Variants in DNAH6 observed in about 807,000 individuals in gnomAD.
The protein encoded by DNAH6 is dynein axonemal heavy chain 6, also known as axonemal beta dynein heavy chain 6.
A neutral mutation model predicts 491.4 loss-of-function variants in DNAH6; 340 were observed. That is an observed-to-expected ratio of 0.69 (90% CI 0.63 to 0.76). The LOEUF (loss-of-function observed/expected upper bound fraction) is 0.76, where lower values mean the gene tolerates loss of function less well. Ranked by LOEUF, DNAH6 falls within the 30% of genes least tolerant of loss-of-function variation. DNAH6 has a pLI of 0.00. For missense variants in DNAH6, 4,443 were observed against 4,972.2 expected, an observed-to-expected ratio of 0.89 and a Z score of 3.20; for synonymous variants, 1,603 against 1,686.1, an observed-to-expected ratio of 0.95 and a Z score of 1.21.
intron 52 of DNAH6, 149 bp from the exon 53 acceptor site, chr2:84,706,747 A>T: frequency 1.2e-6 from 1 of 826,730 alleles, no homozygotes; most frequent in Non-Finnish European, 1.8e-6. Flanking sequence ...ACTCTAATTT[A>T]TATTTGTTTT....
At chr2:84,567,738 A>G (rs530088486) in intron 11 of DNAH6, among the ~76,000 whole-genome samples, 4 of 152,222 alleles carry the variant, frequency 2.6e-5, no homozygotes, top group African/African-American at 9.6e-5. Context: ...ATAGGCATGG[A>G]AAAAGATCTC....
chr2:84,552,065 A>G (rs1486938211), intron 9 of DNAH6, among the ~76,000 whole-genome samples: 1 of 152,068 alleles, frequency 6.6e-6, no homozygotes, highest in Admixed American at 6.6e-5. Flanking sequence ...AAAAAAAAAA[A>G]AAGAATGCTC....
rs564638023 is a variant in DNAH6, at chr2:84,595,560, A to C, written c.2725-86A>C. 32 of 1,217,882 alleles carry C rather than the reference A, an allele frequency of 2.6e-5. 1 individual carries two copies. In the Middle Eastern group the frequency reaches 1.2e-3, roughly 47 times the overall value. 75.4% of individuals were successfully genotyped at this position (1,217,882 alleles called of 1,614,324 possible). On this transcript the variant is annotated intron_variant, in intron 17 of 76. Transcript: ENST00000389394. Reference sequence around the variant, plus strand: ...CAAAAGCATAGTGTAGATTTGGATTAACTTTTAAAAGTTTTTTTAGTATTT... The same window carrying C: ...CAAAAGCATAGTGTAGATTTGGATTCACTTTTAAAAGTTTTTTTAGTATTT...
At chr2:84,543,296 C>A (rs935496019) in intron 4 of DNAH6, among the ~76,000 whole-genome samples, 1 of 152,132 alleles carries the variant, frequency 6.6e-6, no homozygotes, top group East Asian at 1.9e-4. Flanking sequence ...CTAATTTCTG[C>A]CTAGTACATG....
Position 84,745,234 on chromosome 2 carries a change from T to G in DNAH6, c.10497T>G (p.Cys3499Trp). The change falls in exon 63 of 77, where the codon TGT becomes TGG. Residue 3499 changes from cysteine to tryptophan, a missense_variant. Cys to Trp is a radical substitution (Grantham distance 215). This residue lies in a region of DNAH6 where 1,463 missense variants were observed against 1,656.6 expected (regional missense o/e 0.88). Transcript: ENST00000389394. ...TCCATAAGCTAATTCTTATTAAATG[T>G]TGTAAAGAAGAAAAGGTAGGGCATT... is the stretch of plus-strand genomic sequence containing the variant. ...SSFHKLILIK[C>W]CKEEKVVFAL... 6.6e-7 allele frequency: 1 copy of G among 1,503,776 alleles called. No individual in the cohort carries two copies. The highest frequency in any genetic ancestry group is 8.9e-7 in the Non-Finnish European group (1 of 1,128,792). 93.2% of individuals were successfully genotyped at this position (1,503,776 alleles called of 1,614,324 possible). A position where few individuals can be genotyped will look rare whatever the true frequency, so the allele number is the denominator to read the frequency against.
chr2:84,557,266 T>C (rs1217914848), intron 10 of DNAH6, among the ~76,000 whole-genome samples: 2 of 152,226 alleles, frequency 1.3e-5, no homozygotes, highest in African/African-American at 4.8e-5. Flanking sequence ...GCCATGTCTT[T>C]TGATTTGTCA....
chr2:84,698,151 C>T (rs1246319008), intron 47 of DNAH6, among the ~76,000 whole-genome samples: 2 of 152,226 alleles, frequency 1.3e-5, no homozygotes, highest in Admixed American at 6.5e-5. Context: ...AACAGTGTGG[C>T]TGCTGTACAC....
In DNAH6 at chr2:84,637,386, C is replaced by CTG; in HGVS notation, c.4821+9_4821+10insTG. On this transcript the variant is annotated intron_variant, in intron 31 of 76. Transcript: ENST00000389394. ...ATGCCTTGATTGCAGAGGTGAGCAT[C>CTG]ACATTATAAAGCAGCAGAAATGTAA... The CTG allele has an allele frequency of 6.6e-7, 1 of 1,526,596 alleles. No individual in the cohort carries two copies. The highest frequency in any genetic ancestry group is 1.4e-5 in the African/African-American group (1 of 72,342). 94.6% of individuals were successfully genotyped at this position (1,526,596 alleles called of 1,614,324 possible).
Position 84,808,517 on chromosome 2 carries a change from T to C in DNAH6, c.11714T>C (p.Phe3905Ser). The change falls in exon 72 of 77, where the codon TTT becomes TCT. Residue 3905 changes from phenylalanine (F) to serine (S), a missense_variant. Phe to Ser is a radical substitution (Grantham distance 155). Coordinates refer to ENST00000389394, the MANE Select transcript of DNAH6 (RefSeq NM_001370.2). The part of the protein sequence containing the change: ...TTVLGQEVDR[F>S]NNLLKLIHTS... The stretch of plus-strand genomic sequence containing the variant: ...GTTCTTGGACAGGAAGTGGACCGGT[T>C]TAACAACCTGCTGAAGTTAATTCAT... 1.3e-6 allele frequency: 2 copies of C among 1,551,840 alleles called. No homozygotes were observed. The highest frequency in any genetic ancestry group is 1.7e-6 in the Non-Finnish European group (2 of 1,147,014).
At chr2:84,669,591 T>C (rs1035025901) in intron 38 of DNAH6, 81 bp downstream of exon 38, 4 of 1,209,106 alleles carry the variant, frequency 3.3e-6, no homozygotes, top group Non-Finnish European at 4.7e-6. Context: ...CCAGAAGTAA[T>C]ATTATTTCTG....
At chr2:84,700,203 A>C (rs1446762435) in intron 48 of DNAH6, among the ~76,000 whole-genome samples, 1 of 152,228 alleles carries the variant, frequency 6.6e-6, no homozygotes. Flanking sequence ...ATGATGCAGC[A>C]TACCGAGTTA....
At chr2:84,520,442 T>C (rs567309475) in intron 2 of DNAH6, among the ~76,000 whole-genome samples, 7 of 152,232 alleles carry the variant, frequency 4.6e-5, no homozygotes, top group African/African-American at 1.7e-4. Context: ...TTATTTTAGA[T>C]TCAGGGGTAT....
intron 10 of DNAH6, among the ~76,000 whole-genome samples, chr2:84,555,523 T>C (rs897893469): frequency 7.2e-5 from 11 of 152,188 alleles, no homozygotes; most frequent in Non-Finnish European, 2.9e-5. Flanking sequence ...TCTGGGTGCT[T>C]TTTTCTGTGC....
At chr2:84,686,110 C>T (rs1191243535) in intron 43 of DNAH6, among the ~76,000 whole-genome samples, 1 of 151,768 alleles carries the variant, frequency 6.6e-6, no homozygotes, top group East Asian at 1.9e-4. Flanking sequence ...ATCATGTGAA[C>T]CCAGGAGGCG....
At chr2:84,803,707 C>T (rs1404946571) in intron 70 of DNAH6, among the ~76,000 whole-genome samples, 2 of 151,834 alleles carry the variant, frequency 1.3e-5, no homozygotes, top group South Asian at 2.1e-4. Context: ...AAATTAGAAA[C>T]ATTTGTTTAA....
chr2:84,524,594 A>C (rs1676442099), intron 2 of DNAH6, among the ~76,000 whole-genome samples: 2 of 151,958 alleles, frequency 1.3e-5, no homozygotes, highest in Admixed American at 1.3e-4. Flanking sequence ...TTTTGTATTT[A>C]GTGCCTTTCT....
At chr2:84,632,441 A>C (rs1409571657) in intron 29 of DNAH6, among the ~76,000 whole-genome samples, 3 of 152,196 alleles carry the variant, frequency 2.0e-5, no homozygotes, top group Non-Finnish European at 4.4e-5. Flanking sequence ...GGAAATGAAG[A>C]ACCACCATGA....
At chr2:84,681,262 C>A in intron 41 of DNAH6, 95 bp from the exon 42 acceptor site, 10 of 1,151,386 alleles carry the variant, frequency 8.7e-6, no homozygotes, top group Non-Finnish European at 1.2e-5. Context: ...ATTTGGCTTT[C>A]TATTATTAGA....
chr2:84,732,893 A>C (rs1339757833), intron 61 of DNAH6, among the ~76,000 whole-genome samples: 1 of 152,254 alleles, frequency 6.6e-6, no homozygotes, highest in African/African-American at 2.4e-5. Context: ...TGTCTCTTTT[A>C]AAACTGTTTG....
Sources: allele counts gnomAD v4.1 joint callset (sites outside exome capture counted in the v4.1 genomes callset), GRCh38; gene constraint gnomAD v4.1.1; regional missense constraint gnomAD v4.1.1; transcripts MANE v1.5; gene names NCBI Gene and HGNC (gene_info 2026-07-23, HGNC 2026-07-21).